Variants in ZNF33A observed in about 807,000 individuals in gnomAD.
The protein encoded by ZNF33A is zinc finger protein 33A.
A neutral mutation model predicts 15.9 loss-of-function variants in ZNF33A; 9 were observed. The observed-to-expected ratio is 0.57, with a 90% confidence interval of 0.34 to 0.99. The LOEUF is 0.99. Ranked by LOEUF, ZNF33A falls within the 50% of genes least tolerant of loss-of-function variation. ZNF33A has a pLI of 0.02. For synonymous variants in ZNF33A, 294 were observed against 324.2 expected, an observed-to-expected ratio of 0.91 and a Z score of 1.00; for missense variants, 843 against 941.6, an observed-to-expected ratio of 0.90 and a Z score of 1.37.
rs1590729043 is a variant in ZNF33A, at chr10:38,058,735, T to G, written c.*2175T>G. The G allele has an allele frequency of 6.6e-6, 1 of 152,340 alleles. No individual in the cohort carries two copies. Among genetic ancestry groups the G allele is most frequent in the South Asian group, 2.1e-4 (1 of 4,830 alleles). 9.4% of individuals were successfully genotyped at this position (152,340 alleles called of 1,614,324 possible). ...GCAGTGAGCTGAGATTGTGCCACTG[T>G]ACTGCAGCCTGGGTGACAGAATGAG... On this transcript the variant is annotated 3_prime_UTR_variant, in exon 5 of 5. Transcript: ENST00000432900.
At chr10:38,063,272 A>C (rs781104094), downstream of ZNF33A, among the ~76,000 whole-genome samples, 1 of 152,140 alleles carries the variant, frequency 6.6e-6, no homozygotes, top group Non-Finnish European at 1.5e-5. Context: ...TATCTTAATA[A>C]ATCACATTTC....
rs1400891542 is a variant in ZNF33A, at chr10:38,055,726, CT to C, written c.1603del (p.Cys535AlafsTer2). The C allele has an allele frequency of 6.2e-7, 1 of 1,613,196 alleles. No homozygotes were observed. Among genetic ancestry groups the C allele is most frequent in the East Asian group, 2.2e-5 (1 of 44,758 alleles). ...AATGTTATGAATGTGGGAAAACCTT[CT>C]GCTTGAAGTCAGACCTCACAGTACA... The part of the protein sequence containing the change: ...YECYECGKTF[C>X]LKSDLTVHQR... On this transcript the variant is annotated frameshift_variant, in exon 5 of 5. Transcript: ENST00000432900. LOFTEE classifies it low-confidence loss of function (END_TRUNC).
intron 4 of ZNF33A, among the ~76,000 whole-genome samples, chr10:38,033,681 C>G (rs2065313231): frequency 6.6e-6 from 1 of 151,006 alleles, no homozygotes; most frequent in East Asian, 1.9e-4. Context: ...TGGTTTTTTG[C>G]ATTTCCCAAT....
At chr10:38,027,386 C>G (rs2065031407) in intron 4 of ZNF33A, among the ~76,000 whole-genome samples, 1 of 151,936 alleles carries the variant, frequency 6.6e-6, no homozygotes. Context: ...GACAGAGTCT[C>G]ACTCTTGCCC....
At chr10:38,032,133 A>G (rs1330313508) in intron 4 of ZNF33A, among the ~76,000 whole-genome samples, 1 of 152,150 alleles carries the variant, frequency 6.6e-6, no homozygotes, top group Non-Finnish European at 1.5e-5. Context: ...AAAAAAAAAT[A>G]AAACAAGGGT....
intron 4 of ZNF33A, among the ~76,000 whole-genome samples, chr10:38,022,718 C>T (rs1408816864): frequency 2.7e-5 from 4 of 147,982 alleles, no homozygotes; most frequent in Non-Finnish European, 4.5e-5. Flanking sequence ...TCAGAAACCA[C>T]AAACTATTAC....
chr10:38,025,471 C>T (rs1354843930), intron 4 of ZNF33A, among the ~76,000 whole-genome samples: 1 of 152,146 alleles, frequency 6.6e-6, no homozygotes, highest in Non-Finnish European at 1.5e-5. Flanking sequence ...TAGTGCCTTA[C>T]AGGAAGAGGA....
At chr10:38,026,274 G>GTA (rs145760742) in intron 4 of ZNF33A, among the ~76,000 whole-genome samples, 2 of 46 alleles carry the variant, frequency 0.043, no homozygotes, top group East Asian at 0.5. Context: ...TTTTATCAAA[G>GTA]TATTTCTTTT....
Position 38,057,383 on chromosome 10 carries a change from A to C in ZNF33A, c.*823A>C, listed in dbSNP as rs2066529452. 1 of 985,332 alleles carries C rather than the reference A, an allele frequency of 1.0e-6. No individual in the cohort carries two copies. Among genetic ancestry groups the C allele is most frequent in the Admixed American group, 6.1e-5 (1 of 16,264 alleles). 61.0% of individuals were successfully genotyped at this position (985,332 alleles called of 1,614,324 possible). On this transcript the variant is annotated 3_prime_UTR_variant, in exon 5 of 5. Coordinates refer to ENST00000432900, the MANE Select transcript of ZNF33A (RefSeq NM_006954.2). ...TTGAATAATCAGGGCAATAGCATTA[A>C]GCACATCTGCGAATTATCCCTGAAG...
rs952799914 is a variant in ZNF33A, at chr10:38,057,377, G to A, written c.*817G>A. The A allele has an allele frequency of 1.0e-5, 10 of 985,242 alleles. No individual in the cohort carries two copies. The highest frequency in any genetic ancestry group is 3.5e-5 in the African/African-American group (2 of 57,208). 61.0% of individuals were successfully genotyped at this position (985,242 alleles called of 1,614,324 possible). The stretch of plus-strand genomic sequence containing the variant: ...GATAAATTGAATAATCAGGGCAATA[G>A]CATTAAGCACATCTGCGAATTATCC... On this transcript the variant is annotated 3_prime_UTR_variant, in exon 5 of 5. Transcript: ENST00000432900.
At chr10:38,047,624 C>CAAAAAAAAAAAAAAAAAAAAAAAAAA (rs554054575) in intron 4 of ZNF33A, among the ~76,000 whole-genome samples, 3 of 75,012 alleles carry the variant, frequency 4.0e-5, no homozygotes, top group African/African-American at 5.1e-5. Context: ...GACTCTGTCT[C>CAAAAAAAAAAAAAAAAAAAAAAAAAA]AAAAAAAAAA....
chr10:38,013,425 T>G (rs1007576424), intron 2 of ZNF33A, among the ~76,000 whole-genome samples: 1 of 151,638 alleles, frequency 6.6e-6, no homozygotes, highest in Non-Finnish European at 1.5e-5. Context: ...TTAAAATGTA[T>G]TTTATTATTA....
chr10:38,067,779 G>A (rs536144277), downstream of ZNF33A, among the ~76,000 whole-genome samples: 7 of 152,294 alleles, frequency 4.6e-5, no homozygotes, highest in African/African-American at 7.2e-5. Context: ...GTTGAAAAGG[G>A]AGACATTGAA....
Position 38,056,720 on chromosome 10 carries a change from G to GA in ZNF33A, c.*163dup. ...CCTTACAGATTTTTTTTGAATTTGT[G>GA]AAAGTTTTTGGCAAAAATGCAAATA... is the stretch of plus-strand genomic sequence containing the variant. On this transcript the variant is annotated 3_prime_UTR_variant, in exon 5 of 5. Transcript: ENST00000432900. The GA allele has an allele frequency of 8.0e-7, 1 of 1,249,634 alleles. No homozygotes were observed. The highest frequency in any genetic ancestry group is 1.0e-6 in the Non-Finnish European group (1 of 997,304). The allele number at this position is 1,249,634 out of a possible 1,614,324, so 77.4% of individuals were successfully genotyped here. A position where few individuals can be genotyped will look rare whatever the true frequency, so the allele number is the denominator to read the frequency against.
chr10:38,028,964 A>T (rs763671008), intron 4 of ZNF33A, among the ~76,000 whole-genome samples: 50 of 152,172 alleles, frequency 3.3e-4, no homozygotes, highest in South Asian at 1.5e-3. Flanking sequence ...CTAGCACCTT[A>T]CTCATCCCCT....
At chr10:38,043,599 T>TC (rs1323601121) in intron 4 of ZNF33A, among the ~76,000 whole-genome samples, 2 of 149,832 alleles carry the variant, frequency 1.3e-5, no homozygotes, top group Non-Finnish European at 3.0e-5. Context: ...TTTCCCCACC[T>TC]CCCCCCAACA....
chr10:38,060,851 G>T (rs1361832730), downstream of ZNF33A, among the ~76,000 whole-genome samples: 1 of 152,212 alleles, frequency 6.6e-6, no homozygotes, highest in South Asian at 2.1e-4. Flanking sequence ...CACTTTTCTT[G>T]GGGGAGGTGA....
At chr10:38,033,176 C>T (rs1295389556) in intron 4 of ZNF33A, among the ~76,000 whole-genome samples, 7 of 152,160 alleles carry the variant, frequency 4.6e-5, no homozygotes, top group Admixed American at 1.3e-4. Flanking sequence ...GTGGAGTTGC[C>T]TAATCTGGAT....
chr10:38,013,121 T>A (rs1277418140), intron 2 of ZNF33A, among the ~76,000 whole-genome samples: 2 of 152,170 alleles, frequency 1.3e-5, no homozygotes, highest in Non-Finnish European at 1.5e-5. Flanking sequence ...TTAATTTTTT[T>A]ATTTTTTTGA....
Sources: gnomAD v4.1 joint callset for allele counts (sites outside exome capture counted in the v4.1 genomes callset) on GRCh38, gnomAD v4.1.1 for gene constraint, MANE v1.5 for transcripts, NCBI Gene and HGNC (gene_info 2026-07-23, HGNC 2026-07-21) for gene names.